CLEC7A: variants seen among roughly 807,000 people sequenced by gnomAD.
CLEC7A encodes the protein C-type lectin domain containing 7A.
A neutral mutation model predicts 26.9 loss-of-function variants in CLEC7A; 25 were observed. The ratio of observed to expected loss-of-function variants is 0.93; its 90% CI spans 0.68 to 1.30. The LOEUF (loss-of-function observed/expected upper bound fraction) is 1.30, where lower values mean the gene tolerates loss of function less well. Ranked by LOEUF, CLEC7A falls within the 50% of genes most tolerant of loss-of-function variation. The pLI is 0.00. For missense variants in CLEC7A, 275 were observed against 286.7 expected (o/e 0.96, Z 0.29); for synonymous variants, 100 against 99.5 (o/e 1.01, Z -0.03).
At chr12:10,121,986 A>G (rs1040680122) in intron 5 of CLEC7A, among the ~76,000 whole-genome samples, 3 of 152,228 alleles carry the variant, frequency 2.0e-5, no homozygotes, top group African/African-American at 7.2e-5. Flanking sequence ...AGCCTGGGTG[A>G]CAGAGTGAGA....
rs1267761813 is a variant in CLEC7A at position 10,125,403 on chromosome 12, T to C, written c.386A>G (p.Lys129Arg). The C allele has an allele frequency of 6.2e-7, 1 of 1,613,334 alleles. No individual in the cohort carries two copies. Among genetic ancestry groups the C allele is most frequent in the Non-Finnish European group, 8.5e-7 (1 of 1,179,830 alleles). The change falls in exon 4 of 6, where the codon AAG (lysine) becomes AGG (arginine). Residue 129 changes from lysine to arginine, a missense_variant. Coordinates refer to ENST00000304084, the MANE Select transcript of CLEC7A (RefSeq NM_197947.3). ...TGACATGCTGAATAGATAACAGCTCTTCTCATATATAATCCAATTAGGAGG... is the reference window on the plus strand; with the variant it reads ...TGACATGCTGAATAGATAACAGCTCCTCTCATATATAATCCAATTAGGAGG... ...PCPPNWIIYE[K>R]SCYLFSMSLN...
rs1310743518 is a variant in CLEC7A, at chr12:10,130,164, G to C, written c.-82C>G. The C allele has an allele frequency of 1.5e-6, 1 of 667,772 alleles. No homozygotes were observed. Among genetic ancestry groups the C allele is most frequent in the East Asian group, 2.7e-5 (1 of 36,442 alleles). The allele number at this position is 667,772 out of a possible 1,614,324, so 41.4% of individuals were successfully genotyped here. On this transcript the variant is annotated 5_prime_UTR_variant, in exon 1 of 6. Coordinates refer to ENST00000304084, the MANE Select transcript of CLEC7A (RefSeq NM_197947.3). ...CTGAGATGACTGTCTGTGGACAAAA[G>C]AGAATCTCTGAGTCAAATCATGTGG...
At chr12:10,120,594 C>CT (rs747550159) in intron 5 of CLEC7A, among the ~76,000 whole-genome samples, 5,679 of 141,194 alleles carry the variant, frequency 0.04, 337 homozygotes, top group African/African-American at 0.13. Context: ...ATTTTTATAT[C>CT]TTTTTTTTTT....
chr12:10,127,530 T>C (rs1381566920), intron 2 of CLEC7A: 2 of 1,280,806 alleles, frequency 1.6e-6, no homozygotes, highest in East Asian at 2.3e-5. Flanking sequence ...GTCCCACCAC[T>C]AACTAGCTTA....
Position 10,121,824 on chromosome 12 carries a change from C to T in CLEC7A, c.611+1421G>A, listed in dbSNP as rs146389483. Among the ~76,000 whole-genome samples the T allele has an allele frequency of 3.2e-4, 48 of 152,080 alleles. No homozygotes were observed. The East Asian group carries it at 8.7e-3, about 28-fold the overall frequency. ...GAGATCGAGACCATCCTGGCTAACA[C>T]GGTGAAACCCCGTCTCTACTAAATA... On this transcript the variant is annotated intron_variant, in intron 5 of 5. Coordinates refer to ENST00000304084, the MANE Select transcript of CLEC7A (RefSeq NM_197947.3).
At chr12:10,119,421 G>A (rs1017209934) in intron 5 of CLEC7A, among the ~76,000 whole-genome samples, 6 of 152,168 alleles carry the variant, frequency 3.9e-5, no homozygotes, top group Admixed American at 2.0e-4. Context: ...ACCTATAAGT[G>A]TTTTGGGGGC....
At chr12:10,120,566 C>T (rs1051648643) in intron 5 of CLEC7A, among the ~76,000 whole-genome samples, 3 of 150,988 alleles carry the variant, frequency 2.0e-5, no homozygotes, top group African/African-American at 2.4e-5. Context: ...TAAATCTGTG[C>T]GCCACCTTGT....
Position 10,130,067 on chromosome 12 carries a change from C to T in CLEC7A, c.16G>A (p.Asp6Asn). The T allele has an allele frequency of 6.3e-7, 1 of 1,585,472 alleles. No homozygotes were observed. Among genetic ancestry groups the T allele is most frequent in the Non-Finnish European group, 8.7e-7 (1 of 1,154,694 alleles). The change falls in exon 1 of 6, where the codon GAT becomes AAT. Residue 6 changes from aspartate (D) to asparagine (N), a missense_variant. Transcript: ENST00000304084. MEYHP[D>N]LENLDEDGYT... ...CCATCTTCATCCAAATTTTCTAAATCAGGATGATATTCCATTGTTCTTGAG... is the reference window on the plus strand; with the variant it reads ...CCATCTTCATCCAAATTTTCTAAATTAGGATGATATTCCATTGTTCTTGAG...
chr12:10,126,834 T>A (rs1055999676), intron 2 of CLEC7A, 126 bp from the exon 3 acceptor site: 5 of 779,474 alleles, frequency 6.4e-6, no homozygotes, highest in Non-Finnish European at 9.9e-6. Flanking sequence ...GATAAATAGA[T>A]GATATATTGC....
rs561178707 is a variant in CLEC7A at position 10,120,105 on chromosome 12, C to T, written c.612-1515G>A. The stretch of plus-strand genomic sequence containing the variant: ...CCACAGATGAGAAAAAATAGATGAC[C>T]GGAAGATATGTGAAAGGTTATTACA... On this transcript the variant is annotated intron_variant, in intron 5 of 5. Transcript: ENST00000304084. Among the ~76,000 whole-genome samples the T allele has an allele frequency of 1.2e-4, 18 of 151,862 alleles. No individual in the cohort carries two copies. The South Asian group carries it at 1.7e-3, about 14-fold the overall frequency.
chr12:10,118,710 G>GTGTGTTGAGTTCCTTTACTT, intron 5 of CLEC7A, 120 bp from the exon 6 acceptor site: 1 of 773,784 alleles, frequency 1.3e-6, no homozygotes. Context: ...TTCTATTATT[G>GTGTGTTGAGTTCCTTTACTT]GAAAAGGAGG....
chr12:10,127,352 T>A, intron 2 of CLEC7A: 1 of 1,566,298 alleles, frequency 6.4e-7, no homozygotes, highest in Non-Finnish European at 8.7e-7. Flanking sequence ...TTTATTTCAT[T>A]AGGAAGACAG....
At chr12:10,120,671 G>T (rs373733353) in intron 5 of CLEC7A, among the ~76,000 whole-genome samples, 7 of 150,450 alleles carry the variant, frequency 4.7e-5, no homozygotes, top group African/African-American at 1.7e-4. Flanking sequence ...CAAGTGATCC[G>T]CCTGCCTCGG....
At chr12:10,126,940 G>C in intron 2 of CLEC7A, 1 of 851,838 alleles carries the variant, frequency 1.2e-6, no homozygotes, top group South Asian at 2.3e-5. Flanking sequence ...AAAGAAAAAA[G>C]AAGGTGGAGA....
Position 10,126,649 on chromosome 12 carries a change from T to G in CLEC7A, c.262A>C (p.Asn88His). The G allele has an allele frequency of 6.2e-7, 1 of 1,613,008 alleles. No individual in the cohort carries two copies. The highest frequency in any genetic ancestry group is 8.5e-7 in the Non-Finnish European group (1 of 1,179,560). ...TLENGYFLSR[N>H]KENHSQPTQS... The stretch of plus-strand genomic sequence containing the variant: ...GTGGGTTGACTGTGGTTCTCTTTAT[T>G]TCTTGATAGAAAGTAGCCATTCTCC... The change falls in exon 3 of 6, where the codon AAT becomes CAT. Residue 88 changes from asparagine (N) to histidine (H), a missense_variant. By Grantham distance (68) the Asn-to-His change is moderately conservative (BLOSUM62 1). Coordinates refer to ENST00000304084, the MANE Select transcript of CLEC7A (RefSeq NM_197947.3).
At position 10,120,670 on chromosome 12, in the gene CLEC7A, C is replaced by T. The variant is rs143734356; in HGVS notation, c.612-2080G>A. On this transcript the variant is annotated intron_variant, in intron 5 of 5. Transcript: ENST00000304084. Reference sequence around the variant, plus strand: ...ATCGAACTCCAGAGATCAAGTGATCCGCCTGCCTCGGCCTCCCAAAGTGCT... The same window carrying T: ...ATCGAACTCCAGAGATCAAGTGATCTGCCTGCCTCGGCCTCCCAAAGTGCT... Among the ~76,000 whole-genome samples the T allele has an allele frequency of 4.2e-3, 636 of 151,174 alleles. 6 individuals carry two copies. Among genetic ancestry groups the T allele is most frequent in the African/African-American group, 0.015 (609 of 41,258 alleles).
chr12:10,121,765 G>A (rs1032885767), intron 5 of CLEC7A, among the ~76,000 whole-genome samples: 2 of 152,194 alleles, frequency 1.3e-5, no homozygotes, highest in Non-Finnish European at 2.9e-5. Context: ...GTTTGAGATG[G>A]AATAGCAAAT....
Position 10,118,558 on chromosome 12 carries a change from T to A in CLEC7A, c.644A>T (p.Asn215Ile). The change falls in exon 6 of 6, where the codon AAC becomes ATC. Residue 215 changes from asparagine (N) to isoleucine (I), a missense_variant. Asn to Ile is a moderately radical substitution (Grantham distance 149, BLOSUM62 -3). Coordinates refer to ENST00000304084, the MANE Select transcript of CLEC7A (RefSeq NM_197947.3). ...FQIRTTATQE[N>I]PSPNCVWIHV... ...AATCCATACACAATTTGGAGATGGG[T>A]TTTCTTGGGTAGCTGTGGTTCTGAT... 1 of 1,613,472 alleles carries A rather than the reference T, an allele frequency of 6.2e-7. No individual in the cohort carries two copies.
intron 5 of CLEC7A, among the ~76,000 whole-genome samples, chr12:10,119,867 A>C (rs1032188674): frequency 6.6e-6 from 1 of 152,270 alleles, no homozygotes; most frequent in Non-Finnish European, 1.5e-5. Context: ...AAACAGATAC[A>C]TATAGAAAAT....
Sources: allele counts gnomAD v4.1 joint callset (sites outside exome capture counted in the v4.1 genomes callset), GRCh38; gene constraint gnomAD v4.1.1; transcripts MANE v1.5; gene names NCBI Gene and HGNC (gene_info 2026-07-23, HGNC 2026-07-21).